The following TBC1D5 variants were observed in gnomAD, a reference collection of about 807,000 sequenced individuals.
TBC1D5 encodes the protein TBC1 domain family, member 5.
A neutral mutation model predicts 100.3 loss-of-function variants in TBC1D5; 75 were observed. That is an observed-to-expected ratio of 0.75 (90% CI 0.62 to 0.91). TBC1D5 has a LOEUF of 0.91. Among genes scored for constraint, TBC1D5 ranks in the 40% least tolerant of loss-of-function variants. The pLI is 0.00. For missense variants in TBC1D5, 910 were observed against 942.4 expected (o/e 0.97, Z 0.45); for synonymous variants, 323 against 325.6 (o/e 0.99, Z 0.09).
At chr3:17,416,194 C>T (rs1352288333) in intron 4 of TBC1D5, among the ~76,000 whole-genome samples, 1 of 152,128 alleles carries the variant, frequency 6.6e-6, no homozygotes, top group Non-Finnish European at 1.5e-5. Flanking sequence ...CTGAATCCAT[C>T]GTTCACTTTA....
intron 1 of TBC1D5, among the ~76,000 whole-genome samples, chr3:17,723,766 T>C (rs1361670745): frequency 6.6e-6 from 1 of 152,122 alleles, no homozygotes; most frequent in Non-Finnish European, 1.5e-5. Flanking sequence ...TAACCAACTG[T>C]TTATATTGTC....
chr3:17,267,750 C>A (rs2078993108), intron 15 of TBC1D5, among the ~76,000 whole-genome samples: 1 of 152,110 alleles, frequency 6.6e-6, no homozygotes, highest in African/African-American at 2.4e-5. Flanking sequence ...TCAACACCTG[C>A]TTTTGGAATT....
intron 15 of TBC1D5, among the ~76,000 whole-genome samples, chr3:17,265,545 C>T (rs971728293): frequency 1.3e-5 from 2 of 152,018 alleles, no homozygotes; most frequent in African/African-American, 2.4e-5. Context: ...GGAAAGCAAC[C>T]GTCATTAGAA....
chr3:17,397,155 T>G (rs73817292), intron 8 of TBC1D5, among the ~76,000 whole-genome samples: 4,248 of 152,252 alleles, frequency 0.028, 196 homozygotes, highest in African/African-American at 0.095. Flanking sequence ...TAAAGAATTT[T>G]TTTTTACTTC....
chr3:17,343,209 C>A (rs1218747255), intron 13 of TBC1D5, among the ~76,000 whole-genome samples: 1 of 152,100 alleles, frequency 6.6e-6, no homozygotes, highest in Non-Finnish European at 1.5e-5. Context: ...GCCTTTTCTG[C>A]ATCTATTGAG....
intron 9 of TBC1D5, among the ~76,000 whole-genome samples, chr3:17,382,962 T>C (rs2093009754): frequency 1.3e-5 from 2 of 152,034 alleles, no homozygotes; most frequent in Non-Finnish European, 2.9e-5. Context: ...ATTTTTCATT[T>C]CCAATTCTAA....
At chr3:17,219,538 G>A (rs1005558402) in intron 17 of TBC1D5, among the ~76,000 whole-genome samples, 2 of 149,638 alleles carry the variant, frequency 1.3e-5, no homozygotes, top group East Asian at 4.0e-4. Context: ...TTAATAATAT[G>A]TGGCAATTCT....
At chr3:17,543,946 C>T (rs568568155) in intron 2 of TBC1D5, among the ~76,000 whole-genome samples, 43 of 151,910 alleles carry the variant, frequency 2.8e-4, no homozygotes, top group African/African-American at 1.0e-3. Context: ...CGGCTCACTG[C>T]AACCTCCACC....
At chr3:17,378,016 T>G (rs2092779937) in intron 9 of TBC1D5, among the ~76,000 whole-genome samples, 1 of 151,834 alleles carries the variant, frequency 6.6e-6, no homozygotes, top group South Asian at 2.1e-4. Flanking sequence ...TTTACTCTCT[T>G]GGAATAGTCT....
At chr3:17,691,375 A>G (rs1424084097) in intron 1 of TBC1D5, among the ~76,000 whole-genome samples, 2 of 152,208 alleles carry the variant, frequency 1.3e-5, no homozygotes, top group Non-Finnish European at 2.9e-5. Context: ...GTAACCACAA[A>G]GTGGCCTTCA....
At chr3:17,541,437 T>A (rs2096356197) in intron 2 of TBC1D5, among the ~76,000 whole-genome samples, 1 of 151,864 alleles carries the variant, frequency 6.6e-6, no homozygotes, top group Non-Finnish European at 1.5e-5. Context: ...TTCCTAAGTA[T>A]TTTTTTTGAT....
At chr3:17,659,824 T>C (rs1489880563) in intron 1 of TBC1D5, among the ~76,000 whole-genome samples, 4 of 152,192 alleles carry the variant, frequency 2.6e-5, no homozygotes, top group Admixed American at 6.5e-5. Flanking sequence ...GCCATCAATT[T>C]AGAACTCTTC....
chr3:17,692,502 T>C (rs1424050129), intron 1 of TBC1D5, among the ~76,000 whole-genome samples: 3 of 152,146 alleles, frequency 2.0e-5, no homozygotes. Flanking sequence ...AAAAAAACTA[T>C]GTAAGAGCAG....
chr3:17,545,259 C>G (rs2096403694), intron 2 of TBC1D5, among the ~76,000 whole-genome samples: 1 of 152,070 alleles, frequency 6.6e-6, no homozygotes. Flanking sequence ...ACAACTTATT[C>G]CCTTATAAAA....
At chr3:17,344,423 A>G (rs2089541891) in intron 13 of TBC1D5, among the ~76,000 whole-genome samples, 1 of 152,014 alleles carries the variant, frequency 6.6e-6, no homozygotes, top group South Asian at 2.1e-4. Flanking sequence ...AAGAGGATAC[A>G]AACAAATGGA....
intron 3 of TBC1D5, among the ~76,000 whole-genome samples, chr3:17,483,104 T>TA (rs2095519658): frequency 6.6e-6 from 1 of 152,110 alleles, no homozygotes; most frequent in Admixed American, 6.5e-5. Context: ...AAATACTTCT[T>TA]AGTGTTTCCA....
At chr3:17,341,520 T>C (rs2088928851) in intron 13 of TBC1D5, among the ~76,000 whole-genome samples, 1 of 152,104 alleles carries the variant, frequency 6.6e-6, no homozygotes. Flanking sequence ...TTAAAAGGTA[T>C]TTCCCTCATC....
At chr3:17,288,774 C>T in intron 15 of TBC1D5, among the ~76,000 whole-genome samples, 1 of 152,194 alleles carries the variant, frequency 6.6e-6, no homozygotes, top group East Asian at 1.9e-4. Flanking sequence ...TCAGCATGAT[C>T]TTGTTCTTGG....
chr3:17,669,868 C>T (rs924745359), intron 1 of TBC1D5, among the ~76,000 whole-genome samples: 1 of 152,096 alleles, frequency 6.6e-6, no homozygotes, highest in South Asian at 2.1e-4. Context: ...ACCGTCCTCT[C>T]GACTGTCCCA....
Sources: allele counts gnomAD v4.1 joint callset (sites outside exome capture counted in the v4.1 genomes callset), GRCh38; gene constraint gnomAD v4.1.1; transcripts MANE v1.5; gene names NCBI Gene and HGNC (gene_info 2026-07-23, HGNC 2026-07-21).